The following NTM variants were observed in gnomAD, a reference collection of about 807,000 sequenced individuals.
NTM encodes IgLON family member 2.
NTM carries 13 observed loss-of-function variants against 42.1 expected under a neutral mutation model. The observed-to-expected ratio is 0.31, with a 90% CI of 0.20 to 0.49. The LOEUF is 0.49. Among genes scored for constraint, NTM ranks in the 20% least tolerant of loss-of-function variants. NTM has a pLI of 0.99. For synonymous variants in NTM, 187 were observed against 179.2 expected (o/e 1.04, Z -0.35); for missense variants, 373 against 452.8 (o/e 0.82, Z 1.60).
At chr11:131,932,770 T>C (rs921898041) in intron 2 of NTM, among the ~76,000 whole-genome samples, 11 of 152,326 alleles carry the variant, frequency 7.2e-5, no homozygotes, top group African/African-American at 2.4e-4. Context: ...GCTGCTGAGC[T>C]GGGCCTGAGC....
In NTM at chr11:132,314,453, G is replaced by A. The variant is rs1470506603; in HGVS notation, c.783-99G>A. On this transcript the variant is annotated intron_variant, in intron 6 of 8. Coordinates refer to ENST00000683400, the MANE Select transcript of NTM (RefSeq NM_001352005.2). ...TAATGGTTATAATGATGTCAGAAAGGGGGGCAAGGAGAAGACCAGGAATCC... is the reference window on the plus strand; with the variant it reads ...TAATGGTTATAATGATGTCAGAAAGAGGGGCAAGGAGAAGACCAGGAATCC... 1.1e-5 allele frequency: 15 copies of A among 1,316,722 alleles called. No individual in the cohort carries two copies. The South Asian group carries it at 2.0e-4, about 17-fold the overall frequency. The allele number at this position is 1,316,722 out of a possible 1,614,324, so 81.6% of individuals were successfully genotyped here. A position where few individuals can be genotyped will look rare whatever the true frequency, so the allele number is the denominator to read the frequency against.
chr11:131,873,561 C>CA (rs569630937), intron 1 of NTM, among the ~76,000 whole-genome samples: 11 of 38,912 alleles, frequency 2.8e-4, no homozygotes, highest in African/African-American at 7.5e-4. Flanking sequence ...TATATATATA[C>CA]CGTATATATA....
At chr11:131,941,815 A>G (rs760273060) in intron 2 of NTM, among the ~76,000 whole-genome samples, 5 of 152,222 alleles carry the variant, frequency 3.3e-5, no homozygotes, top group Non-Finnish European at 7.3e-5. Context: ...CTCTCAACCC[A>G]ATTCTTCTGT....
intron 1 of NTM, chr11:131,795,318 GCGC>G: frequency 1.2e-6 from 1 of 841,888 alleles, no homozygotes; most frequent in Non-Finnish European, 1.4e-6. Flanking sequence ...CAGTGCCCAG[GCGC>G]TCCTAATATA....
chr11:131,612,674 C>T (rs892261463), intron 1 of NTM, among the ~76,000 whole-genome samples: 2 of 152,200 alleles, frequency 1.3e-5, no homozygotes, highest in Admixed American at 6.5e-5. Context: ...ACATGTTTAT[C>T]GAATGCTGAA....
chr11:131,862,192 C>A (rs1458679314), intron 1 of NTM, among the ~76,000 whole-genome samples: 2 of 152,164 alleles, frequency 1.3e-5, no homozygotes, highest in African/African-American at 4.8e-5. Context: ...GAGGAGAGAA[C>A]AGCCCTGTGG....
At chr11:131,809,195 C>T (rs1241861861) in intron 1 of NTM, among the ~76,000 whole-genome samples, 1 of 152,176 alleles carries the variant, frequency 6.6e-6, no homozygotes, top group East Asian at 1.9e-4. Context: ...TAGTCCCTTC[C>T]AGGATTTCTA....
In NTM at chr11:131,587,712, C is replaced by G. The variant is rs941256639; in HGVS notation, c.82+216824C>G. ...CATGAGTGGAATTGTATCTTAAATG[C>G]TCCACTGCACCCAGTCCAGGACTCT... is the stretch of plus-strand genomic sequence containing the variant. On this transcript the variant is annotated intron_variant, in intron 1 of 8. Transcript: ENST00000683400. Among the ~76,000 whole-genome samples the G allele has an allele frequency of 2.0e-5, 3 of 152,298 alleles. No individual in the cohort carries two copies. The East Asian group carries it at 5.8e-4, about 29-fold the overall frequency.
chr11:131,892,668 C>T (rs750769710), intron 1 of NTM, among the ~76,000 whole-genome samples: 6 of 152,228 alleles, frequency 3.9e-5, no homozygotes, highest in East Asian at 3.9e-4. Flanking sequence ...AATTTAAAGA[C>T]GCTGCTGCCT....
chr11:131,942,901 T>G (rs2059952122), intron 2 of NTM, among the ~76,000 whole-genome samples: 1 of 150,644 alleles, frequency 6.6e-6, no homozygotes, highest in Admixed American at 6.6e-5. Context: ...GGCCGAGATC[T>G]GGCCACCGCA....
chr11:131,939,705 A>G (rs2059598424), intron 2 of NTM, among the ~76,000 whole-genome samples: 1 of 152,208 alleles, frequency 6.6e-6, no homozygotes, highest in Admixed American at 6.5e-5. Flanking sequence ...CTCATCTGGA[A>G]CAATCTGGTT....
Position 131,997,901 on chromosome 11 carries a change from A to T in NTM, c.167+86253A>T, listed in dbSNP as rs146566591. On this transcript the variant is annotated intron_variant, in intron 2 of 8. Transcript: ENST00000683400. Reference sequence around the variant, plus strand: ...ATTTCAGTGCTTTGAACTGCTGAAGAACCCTAAAGCCAGGCTCATATGCAC... The same window carrying T: ...ATTTCAGTGCTTTGAACTGCTGAAGTACCCTAAAGCCAGGCTCATATGCAC... Among the ~76,000 whole-genome samples the T allele has an allele frequency of 1.7e-3, 253 of 152,170 alleles. 1 individual carries two copies. The highest frequency in any genetic ancestry group is 5.6e-3 in the African/African-American group (233 of 41,520).
chr11:132,134,282 C>G (rs965600261), intron 2 of NTM, among the ~76,000 whole-genome samples: 2 of 152,044 alleles, frequency 1.3e-5, no homozygotes, highest in Non-Finnish European at 2.9e-5. Flanking sequence ...CACCTCTTTT[C>G]TGTTTATTCA....
At chr11:131,620,234 A>G (rs1409246605) in intron 1 of NTM, among the ~76,000 whole-genome samples, 1 of 152,130 alleles carries the variant, frequency 6.6e-6, no homozygotes, top group East Asian at 1.9e-4. Flanking sequence ...ATTTTCCCTG[A>G]TTTCTAAGCC....
At chr11:132,031,612 T>A (rs2075928822) in intron 2 of NTM, among the ~76,000 whole-genome samples, 1 of 152,122 alleles carries the variant, frequency 6.6e-6, no homozygotes, top group South Asian at 2.1e-4. Flanking sequence ...AAGTTCAAGT[T>A]TGAAGGTTGA....
intron 2 of NTM, among the ~76,000 whole-genome samples, chr11:132,030,763 G>C (rs1211880628): frequency 1.3e-5 from 2 of 152,222 alleles, no homozygotes; most frequent in African/African-American, 4.8e-5. Context: ...GTGAGAGTGA[G>C]AAAGGGAGAA....
intron 1 of NTM, among the ~76,000 whole-genome samples, chr11:131,734,159 T>C (rs1446347677): frequency 2.0e-5 from 3 of 152,070 alleles, no homozygotes; most frequent in African/African-American, 7.2e-5. Context: ...TCTGTGTCAA[T>C]AGCTTCCCAC....
chr11:131,531,968 A>C (rs768242436), intron 1 of NTM, among the ~76,000 whole-genome samples: 1 of 152,144 alleles, frequency 6.6e-6, no homozygotes, highest in Admixed American at 6.5e-5. Flanking sequence ...CTGGGGAGAA[A>C]GGAAAGGTCA....
At chr11:131,730,355 G>A (rs2079491161) in intron 1 of NTM, among the ~76,000 whole-genome samples, 1 of 152,122 alleles carries the variant, frequency 6.6e-6, no homozygotes, top group South Asian at 2.1e-4. Context: ...ATAAGGCTGG[G>A]GTTAGAGATT....
Sources: allele counts gnomAD v4.1 joint callset (sites outside exome capture counted in the v4.1 genomes callset), GRCh38; gene constraint gnomAD v4.1.1; transcripts MANE v1.5; gene names NCBI Gene and HGNC (gene_info 2026-07-23, HGNC 2026-07-21).